HOXB6: variants seen among roughly 807,000 people sequenced by gnomAD.
HOXB6 encodes homeobox B6.
Under a neutral mutation model 24.2 loss-of-function variants are expected in HOXB6, and 18 were observed. The observed-to-expected ratio is 0.74, with a 90% CI of 0.51 to 1.10. The LOEUF is 1.10. Among genes scored for constraint, HOXB6 ranks in the 50% least tolerant of loss-of-function variants. HOXB6 has a pLI of 0.00. For missense variants in HOXB6, 332 were observed against 308.3 expected (o/e 1.08, Z -0.58); for synonymous variants, 159 against 139.1 (o/e 1.14, Z -1.01).
intron 3 of HOXB6, 120 bp downstream of exon 3, chr17:48,597,616 T>C (rs1254008689): frequency 3.7e-6 from 4 of 1,095,758 alleles, no homozygotes; most frequent in Non-Finnish European, 5.4e-6. Context: ...TTCTATCTCC[T>C]AACTGAGATG....
In HOXB6 at chr17:48,597,886, C is replaced by A; in HGVS notation, c.265G>T (p.Ala89Ser). The A allele has an allele frequency of 6.3e-7, 1 of 1,586,928 alleles. No homozygotes were observed. Among genetic ancestry groups the A allele is most frequent in the South Asian group, 1.1e-5 (1 of 88,004 alleles). Residue 89 changes from alanine to serine, a missense_variant, in exon 3 of 4, where the codon GCA (alanine) becomes TCA (serine). Transcript: ENST00000225648. ...GGCTGCTCGTCGGCGCCGGAGAGTGCGCAGGCCGACTCTTTCTCGCGGTAG... is the reference window on the plus strand; with the variant it reads ...GGCTGCTCGTCGGCGCCGGAGAGTGAGCAGGCCGACTCTTTCTCGCGGTAG... ...AFYREKESACALSGADEQPPF... is the reference protein window; with the variant it reads ...AFYREKESACSLSGADEQPPF...
rs1316566019 is a variant in HOXB6 at position 48,596,395 on chromosome 17, C to CCTCCCTTTCCAGCACCTTCA, written c.673_*17dup. ...CACAGGCCTTTCCCCTCGCGTCCTC[C>CCTCCCTTTCCAGCACCTTCA]CTCCCTTTCCAGCACCTTCACTCGG... On this transcript the variant is annotated 3_prime_UTR_variant, in exon 4 of 4. Transcript: ENST00000225648. This position sits in a 1 kb window ranked among gnomAD's most constrained non-coding sequence, Gnocchi z 4.8. 1 of 1,614,238 alleles carries CCTCCCTTTCCAGCACCTTCA rather than the reference C, an allele frequency of 6.2e-7. No homozygotes were observed. The highest frequency in any genetic ancestry group is 2.2e-5 in the East Asian group (1 of 44,882).
chr17:48,600,568 C>G (rs1567975276), intron 2 of HOXB6: 1 of 454,914 alleles, frequency 2.2e-6, no homozygotes, highest in Admixed American at 2.4e-5. Context: ...GTTTATTCGT[C>G]TGATCCGTTT....
At chr17:48,599,149 C>T (rs1315591389) in intron 2 of HOXB6, among the ~76,000 whole-genome samples, 1 of 152,196 alleles carries the variant, frequency 6.6e-6, no homozygotes, top group Admixed American at 6.5e-5. Flanking sequence ...TGAGGGGTAT[C>T]CCTCAGCCTA....
Position 48,596,795 on chromosome 17 carries a change from T to C in HOXB6, c.416-123A>G. On this transcript the variant is annotated intron_variant, in intron 3 of 3. Transcript: ENST00000225648. This position sits in a 1 kb window ranked among gnomAD's most constrained non-coding sequence, Gnocchi z 4.8. Reference sequence around the variant, plus strand: ...ATGCCCTCTATTCTGCCGGCTCCCTTCCCCCGTTTCGCACTCCTCCAGCGC... The same window carrying C: ...ATGCCCTCTATTCTGCCGGCTCCCTCCCCCCGTTTCGCACTCCTCCAGCGC... The C allele has an allele frequency of 6.9e-7, 1 of 1,457,654 alleles. No homozygotes were observed. The highest frequency in any genetic ancestry group is 2.4e-5 in the East Asian group (1 of 41,156). The allele number at this position is 1,457,654 out of a possible 1,614,324, so 90.3% of individuals were successfully genotyped here.
chr17:48,598,140 T>C lies in HOXB6; in HGVS notation c.11A>G (p.Tyr4Cys), dbSNP rs991824106. The change falls in exon 3 of 4, where the codon TAT (tyrosine) becomes TGT (cysteine). Residue 4 changes from tyrosine (Y) to cysteine (C), a missense_variant. Physicochemically the swap from Tyr to Cys is radical, Grantham distance 194. Transcript: ENST00000225648. The stretch of plus-strand genomic sequence containing the variant: ...GACGGGGAAGGTGGAGTTCACGAAA[T>C]AGGAACTCATTGGGAGGGGAGGCGC... MSS[Y>C]FVNSTFPVTL... is the part of the protein sequence containing the mutation. 7 of 1,587,048 alleles carry C rather than the reference T, an allele frequency of 4.4e-6. No homozygotes were observed. Among genetic ancestry groups the C allele is most frequent in the Admixed American group, 1.7e-5 (1 of 57,922 alleles).
intron 2 of HOXB6, among the ~76,000 whole-genome samples, chr17:48,599,611 C>G (rs374715694): frequency 1.1e-3 from 163 of 152,302 alleles, no homozygotes; most frequent in African/African-American, 3.7e-3. Flanking sequence ...TCAGCTTTGC[C>G]GCCTTACAAA....
At chr17:48,602,037 C>T (rs1440168680) in intron 2 of HOXB6, 1 of 450,868 alleles carries the variant, frequency 2.2e-6, no homozygotes, top group South Asian at 1.6e-5. Context: ...GGATTTGGCC[C>T]CAGTCCCACT....
chr17:48,600,489 G>A (rs1296354144), intron 2 of HOXB6: 2 of 455,970 alleles, frequency 4.4e-6, no homozygotes, highest in African/African-American at 2.0e-5. Context: ...GGGCCTGGGC[G>A]CCTGGAGTCG....
chr17:48,602,277 G>C (rs750313877), intron 2 of HOXB6: 64 of 454,980 alleles, frequency 1.4e-4, no homozygotes, highest in African/African-American at 1.2e-3. Context: ...GCCGGCGCCT[G>C]CCCTGCGGGT....
intron 2 of HOXB6, chr17:48,603,648 C>T (rs752039594): frequency 6.6e-6 from 1 of 152,262 alleles, no homozygotes; most frequent in African/African-American, 2.4e-5. Context: ...GAAATCCACA[C>T]ATCCCATACC....
At chr17:48,603,670 A>G (rs1031443714) in intron 2 of HOXB6, 1 of 152,200 alleles carries the variant, frequency 6.6e-6, no homozygotes, top group African/African-American at 2.4e-5. Context: ...ATACAACGCA[A>G]GTAATAGAAT....
Position 48,598,188 on chromosome 17 carries a change from G to C in HOXB6, c.-38C>G. On this transcript the variant is annotated 5_prime_UTR_variant, in exon 3 of 4. Transcript: ENST00000225648. ...CGCGCGCGGCCGCTGCTGCTCCGCC[G>C]GGTTTATGATTTGTTGTGTTTTATA... is the stretch of plus-strand genomic sequence containing the variant. The C allele has an allele frequency of 2.6e-6, 4 of 1,530,840 alleles. No homozygotes were observed. The highest frequency in any genetic ancestry group is 3.5e-6 in the Non-Finnish European group (4 of 1,136,268). The allele number at this position is 1,530,840 out of a possible 1,614,324, so 94.8% of individuals were successfully genotyped here. A position where few individuals can be genotyped will look rare whatever the true frequency, so the allele number is the denominator to read the frequency against.
At position 48,604,865 on chromosome 17, in the gene HOXB6, C is replaced by G. The variant is rs933336377; in HGVS notation, c.-218G>C. ...GCTCTCTCTCTTTTCTCCTCACCCCCCTCTCTCGTCCTCTCTCTCTTTTGC... is the reference window on the plus strand; with the variant it reads ...GCTCTCTCTCTTTTCTCCTCACCCCGCTCTCTCGTCCTCTCTCTCTTTTGC... On this transcript the variant is annotated 5_prime_UTR_variant, in exon 1 of 4. Transcript: ENST00000225648. 2.0e-5 allele frequency: 3 copies of G among 152,346 alleles called. No individual in the cohort carries two copies. Among genetic ancestry groups the G allele is most frequent in the Admixed American group, 1.3e-4 (2 of 15,260 alleles). The allele number at this position is 152,346 out of a possible 1,614,324, so 9.4% of individuals were successfully genotyped here.
In HOXB6 at chr17:48,596,362, C is replaced by T. The variant is rs12940530; in HGVS notation, c.*51G>A. On this transcript the variant is annotated 3_prime_UTR_variant, in exon 4 of 4. Transcript: ENST00000225648. This position sits in a 1 kb window ranked among gnomAD's most constrained non-coding sequence, Gnocchi z 4.8. ...CCTTCCCGGGTCTCTCTGACGCCCT[C>T]GGCTCCCCACAGGCCTTTCCCCTCG... 0.56 allele frequency: 895,672 copies of T among 1,612,892 alleles called. 255,543 individuals carry two copies. Among genetic ancestry groups the T allele is most frequent in the Non-Finnish European group, 0.58 (685,077 of 1,179,268 alleles).
chr17:48,600,371 T>C (rs1366174412), intron 2 of HOXB6: 1 of 442,506 alleles, frequency 2.3e-6, no homozygotes, highest in Non-Finnish European at 4.5e-6. Context: ...AAGGGAGCAT[T>C]TCCCTGTGTC....
At position 48,596,161 on chromosome 17, in the gene HOXB6, C is replaced by T. The variant is rs1390733949; in HGVS notation, c.*252G>A. On this transcript the variant is annotated 3_prime_UTR_variant, in exon 4 of 4. Transcript: ENST00000225648. The surrounding 1 kb of genome is among the most constrained non-coding windows in gnomAD (Gnocchi z 4.8). The stretch of plus-strand genomic sequence containing the variant: ...CTCAGTTCTCACCAGGAAGCCTGAT[C>T]AGGCTGAGGCGAGTTCCTCGGGAAG... 1 of 681,076 alleles carries T rather than the reference C, an allele frequency of 1.5e-6. No homozygotes were observed. Among genetic ancestry groups the T allele is most frequent in the Non-Finnish European group, 2.7e-6 (1 of 371,898 alleles). The allele number at this position is 681,076 out of a possible 1,614,324, so 42.2% of individuals were successfully genotyped here.
chr17:48,596,636 T>C lies in HOXB6; in HGVS notation c.452A>G (p.Gln151Arg). 6.2e-7 allele frequency: 1 copy of C among 1,613,958 alleles called. No individual in the cohort carries two copies. The highest frequency in any genetic ancestry group is 8.5e-7 in the Non-Finnish European group (1 of 1,180,028). Reference sequence around the variant, plus strand: ...CAGCGTCTGGTAACGTGTGTATGTCTGGCGGCCTCGCCGGCCGCTGGGCCC... The same window carrying C: ...CAGCGTCTGGTAACGTGTGTATGTCCGGCGGCCTCGCCGGCCGCTGGGCCC... ...SFGPSGRRGR[Q>R]TYTRYQTLEL... is the part of the protein sequence containing the mutation. Residue 151 changes from glutamine to arginine, a missense_variant, in exon 4 of 4, where the codon CAG (glutamine) becomes CGG (arginine). Coordinates refer to ENST00000225648, the MANE Select transcript of HOXB6 (RefSeq NM_018952.5). The surrounding 1 kb of genome is among the most constrained non-coding windows in gnomAD (Gnocchi z 4.8).
In HOXB6 at chr17:48,596,325, C is replaced by G; in HGVS notation, c.*88G>C. Reference sequence around the variant, plus strand: ...GAGAGCAGGTCTCCTGGCTCCCCCACCCGAGAGCCTTCCTTCCCGGGTCTC... The same window carrying G: ...GAGAGCAGGTCTCCTGGCTCCCCCAGCCGAGAGCCTTCCTTCCCGGGTCTC... On this transcript the variant is annotated 3_prime_UTR_variant, in exon 4 of 4. Coordinates refer to ENST00000225648, the MANE Select transcript of HOXB6 (RefSeq NM_018952.5). This position sits in a 1 kb window ranked among gnomAD's most constrained non-coding sequence, Gnocchi z 4.8. 1 of 1,590,968 alleles carries G rather than the reference C, an allele frequency of 6.3e-7. No homozygotes were observed. Among genetic ancestry groups the G allele is most frequent in the Non-Finnish European group, 8.6e-7 (1 of 1,160,382 alleles).
Sources: gnomAD v4.1 joint callset for allele counts (sites outside exome capture counted in the v4.1 genomes callset) on GRCh38, gnomAD v4.1.1 for gene constraint, Gnocchi (gnomAD v3.1) non-coding constraint, MANE v1.5 for transcripts, NCBI Gene and HGNC (gene_info 2026-07-23, HGNC 2026-07-21) for gene names.